Variants in TMEM255B observed in about 807,000 individuals in gnomAD.
The protein encoded by TMEM255B is family with sequence similarity 70, member B.
A neutral mutation model predicts 34.5 loss-of-function variants in TMEM255B; 35 were observed. The observed-to-expected ratio is 1.01, with a 90% CI of 0.77 to 1.34. TMEM255B has a LOEUF of 1.34. Ranked by LOEUF, TMEM255B falls within the 40% of genes most tolerant of loss-of-function variation. The pLI, the probability that TMEM255B is intolerant of heterozygous loss-of-function variation, is 0.00. For synonymous variants in TMEM255B, 206 were observed against 201.2 expected, an observed-to-expected ratio of 1.02 and a Z score of -0.20; for missense variants, 432 against 433.2, an observed-to-expected ratio of 1.00 and a Z score of 0.02.
At chr13:113,787,436 T>C (rs931387630) in intron 3 of TMEM255B, among the ~76,000 whole-genome samples, 4 of 152,198 alleles carry the variant, frequency 2.6e-5, no homozygotes, top group Admixed American at 1.3e-4. Flanking sequence ...GTGGTGCGGC[T>C]TCTCTTCTCC....
rs963508048 is a variant in TMEM255B, at chr13:113,806,010, G to C, written c.813+982G>C. ...CTGTGCGGGGAAGGGCAGGGTGAAC[G>C]TGGGGAGTCGTGAGTTTTGAAGTCA... On this transcript the variant is annotated intron_variant, in intron 8 of 8. Coordinates refer to ENST00000375353, the MANE Select transcript of TMEM255B (RefSeq NM_182614.4). This position sits in a 1 kb window ranked among gnomAD's most constrained non-coding sequence, Gnocchi z 4.2. Among the ~76,000 whole-genome samples, 1 of 152,232 alleles carries C rather than the reference G, an allele frequency of 6.6e-6. No individual in the cohort carries two copies. The highest frequency in any genetic ancestry group is 1.5e-5 in the Non-Finnish European group (1 of 68,042).
At chr13:113,804,549 T>C (rs1460340349) in intron 7 of TMEM255B, among the ~76,000 whole-genome samples, 1 of 152,064 alleles carries the variant, frequency 6.6e-6, no homozygotes, top group Non-Finnish European at 1.5e-5. Flanking sequence ...GTAGAGAACC[T>C]CAGTGTAAAG....
intron 3 of TMEM255B, among the ~76,000 whole-genome samples, chr13:113,785,870 G>A (rs184921240): frequency 2.0e-5 from 3 of 152,090 alleles, no homozygotes; most frequent in East Asian, 1.9e-4. Flanking sequence ...GTGTCTTCTC[G>A]GACACTCCCG....
chr13:113,785,400 T>C (rs1277253559), intron 3 of TMEM255B, among the ~76,000 whole-genome samples: 1 of 152,168 alleles, frequency 6.6e-6, no homozygotes, highest in Admixed American at 6.5e-5. Context: ...GAGGGAGGCT[T>C]GCGGGCTTCC....
At chr13:113,763,473 G>T (rs188355239) in intron 1 of TMEM255B, among the ~76,000 whole-genome samples, 2 of 152,024 alleles carry the variant, frequency 1.3e-5, no homozygotes, top group African/African-American at 2.4e-5. Flanking sequence ...TGTCGCCATC[G>T]CTCCTGTCTC....
At chr13:113,787,599 G>A (rs1421114958) in intron 3 of TMEM255B, among the ~76,000 whole-genome samples, 1 of 152,202 alleles carries the variant, frequency 6.6e-6, no homozygotes, top group South Asian at 2.1e-4. Flanking sequence ...CATGGCAGGT[G>A]TGCAGGTCAG....
intron 5 of TMEM255B, 79 bp downstream of exon 5, chr13:113,799,498 G>A: frequency 7.4e-7 from 1 of 1,348,426 alleles, no homozygotes; most frequent in Non-Finnish European, 1.1e-6. Context: ...CTGCACATAG[G>A]CGTGGTCTGA....
Position 113,804,911 on chromosome 13 carries a change from C to A in TMEM255B, c.696C>A (p.Gly232=). The A allele has an allele frequency of 6.2e-7, 1 of 1,602,542 alleles. No homozygotes were observed. ...TGCCTCTGTCCCAGCTGGCCTATGG[C>A]CCAGCCGTCCCACCACAGACCCTCT... ...DMVPLSQLAY[G]PAVPPQTLYN... Residue 232 remains glycine (G), a synonymous_variant, in exon 8 of 9, where the codon GGC becomes GGA. Coordinates refer to ENST00000375353, the MANE Select transcript of TMEM255B (RefSeq NM_182614.4).
chr13:113,774,603 A>AC (rs1448784803), intron 3 of TMEM255B, among the ~76,000 whole-genome samples: 4 of 150,416 alleles, frequency 2.7e-5, no homozygotes, highest in Non-Finnish European at 3.0e-5. Context: ...CACAAATGAC[A>AC]CACACCACAC....
At chr13:113,788,879 G>A (rs972119157) in intron 3 of TMEM255B, among the ~76,000 whole-genome samples, 3 of 151,782 alleles carry the variant, frequency 2.0e-5, no homozygotes, top group Non-Finnish European at 4.4e-5. Context: ...CGGGGGCCGC[G>A]CCGCGCCTCC....
chr13:113,807,818 C>T (rs1372022938), intron 8 of TMEM255B, among the ~76,000 whole-genome samples: 65 of 123,840 alleles, frequency 5.2e-4, no homozygotes, highest in Non-Finnish European at 9.0e-4. Context: ...GGAGGGCTTA[C>T]GGGATGTGGG....
At chr13:113,786,246 A>T (rs1000938469) in intron 3 of TMEM255B, among the ~76,000 whole-genome samples, 1 of 151,550 alleles carries the variant, frequency 6.6e-6, no homozygotes, top group Non-Finnish European at 1.5e-5. Context: ...CATTGCCATC[A>T]TCACCATCCT....
At position 113,816,513 on chromosome 13, in the gene TMEM255B, C is replaced by G. The variant is rs568466795; in HGVS notation, c.*4610C>G. ...GTGAAGATGGCCTTATGGGGCTGCA[C>G]TGGTGACTTGGACAGTGCTGGCCAC... On this transcript the variant is annotated 3_prime_UTR_variant, in exon 9 of 9. Coordinates refer to ENST00000375353, the MANE Select transcript of TMEM255B (RefSeq NM_182614.4). 14 of 153,352 alleles carry G rather than the reference C, an allele frequency of 9.1e-5. No individual in the cohort carries two copies. In the South Asian group the frequency reaches 1.7e-3, roughly 19 times the overall value. 9.5% of individuals were successfully genotyped at this position (153,352 alleles called of 1,614,324 possible). A position where few individuals can be genotyped will look rare whatever the true frequency, so the allele number is the denominator to read the frequency against.
chr13:113,801,674 CTA>C lies in TMEM255B; in HGVS notation c.533_534del (p.Tyr178Ter). On this transcript the variant is annotated frameshift_variant, in exon 7 of 9. Transcript: ENST00000375353. LOFTEE classifies it high-confidence loss of function. ...CGSAEPSPAY[Y>X]EFIGVSGCQD... ...GCAGCGCAGAGCCCTCGCCCGCCTA[CTA>C]TGAGTTCATCGGCGTCAGCGGCTGC... 6.2e-7 allele frequency: 1 copy of C among 1,612,114 alleles called. No homozygotes were observed. The highest frequency in any genetic ancestry group is 8.5e-7 in the Non-Finnish European group (1 of 1,179,086).
intron 8 of TMEM255B, among the ~76,000 whole-genome samples, chr13:113,809,085 T>TG (rs1158962679): frequency 7.9e-6 from 1 of 126,378 alleles, no homozygotes; most frequent in African/African-American, 3.0e-5. Context: ...CTGTGGTTCC[T>TG]GGGGGTTTAC....
At chr13:113,768,406 A>T in intron 2 of TMEM255B, 1 of 366,548 alleles carries the variant, frequency 2.7e-6, no homozygotes, top group South Asian at 2.1e-5. Flanking sequence ...GCACAGTCCC[A>T]TGTCTATTTC....
rs201625787 is a variant in TMEM255B at position 113,795,247 on chromosome 13, T to G, written c.342+10T>G. ...TGCAGCACAGCACATTGTGAGTACA[T>G]TGTCATTGTGTGCACAGTCGCTTTC... On this transcript the variant is annotated intron_variant, in intron 4 of 8. Coordinates refer to ENST00000375353, the MANE Select transcript of TMEM255B (RefSeq NM_182614.4). 2 of 1,612,418 alleles carry G rather than the reference T, an allele frequency of 1.2e-6. No individual in the cohort carries two copies. Among genetic ancestry groups the G allele is most frequent in the Non-Finnish European group, 8.5e-7 (1 of 1,179,138 alleles).
intron 1 of TMEM255B, among the ~76,000 whole-genome samples, chr13:113,764,270 G>A (rs1034840298): frequency 2.0e-4 from 31 of 152,198 alleles, no homozygotes; most frequent in Admixed American, 5.2e-4. Context: ...GCCCGCCCCT[G>A]CACCCACCTG....
intron 5 of TMEM255B, chr13:113,800,065 T>C: frequency 1.1e-6 from 1 of 925,622 alleles, no homozygotes; most frequent in Non-Finnish European, 1.4e-6. Context: ...GGAGGCATCG[T>C]GTGTGTGTGT....
Sources: gnomAD v4.1 joint callset for allele counts (sites outside exome capture counted in the v4.1 genomes callset) on GRCh38, gnomAD v4.1.1 for gene constraint, Gnocchi (gnomAD v3.1) non-coding constraint, MANE v1.5 for transcripts, NCBI Gene and HGNC (gene_info 2026-07-23, HGNC 2026-07-21) for gene names.